AAK1: variants seen among roughly 807,000 people sequenced by gnomAD.
AAK1 encodes AP2 associated kinase 1, also known as AP2-associated protein kinase 1.
In AAK1, 37 loss-of-function variants were observed where a neutral mutation model predicts 116.0. The ratio of observed to expected loss-of-function variants is 0.32; its 90% confidence interval spans 0.25 to 0.42. The LOEUF (loss-of-function observed/expected upper bound fraction) is 0.42, where lower values mean the gene tolerates loss of function less well. Ranked by LOEUF, AAK1 falls within the 10% of genes least tolerant of loss-of-function variation. The pLI is 1.00. For missense variants in AAK1, 919 were observed against 1,170.6 expected, an observed-to-expected ratio of 0.79 and a Z score of 3.14; for synonymous variants, 458 against 439.9, an observed-to-expected ratio of 1.04 and a Z score of -0.51.
intron 4 of AAK1, 88 bp downstream of exon 4, chr2:69,544,348 A>C: frequency 1.1e-6 from 1 of 937,896 alleles, no homozygotes; most frequent in African/African-American, 1.6e-5. Flanking sequence ...CATAGAGTGC[A>C]GTGCACATTA....
At chr2:69,622,132 C>T (rs1458647647) in intron 2 of AAK1, among the ~76,000 whole-genome samples, 5 of 152,224 alleles carry the variant, frequency 3.3e-5, no homozygotes, top group South Asian at 2.1e-4. Context: ...TGTGGGCCAG[C>T]GCCAGTTCCA....
At chr2:69,528,042 G>A (rs964919234) in intron 8 of AAK1, among the ~76,000 whole-genome samples, 5 of 152,234 alleles carry the variant, frequency 3.3e-5, no homozygotes, top group Non-Finnish European at 5.9e-5. Context: ...TGACTGCCTT[G>A]CAGAAGAGGC....
intron 5 of AAK1, 143 bp from the exon 6 acceptor site, chr2:69,532,305 C>A: frequency 8.9e-6 from 9 of 1,008,402 alleles, no homozygotes; most frequent in African/African-American, 1.6e-5. Flanking sequence ...CTCCAAGTAT[C>A]TCAACAGGGG....
chr2:69,535,535 C>A (rs1670427947), intron 5 of AAK1, among the ~76,000 whole-genome samples: 1 of 152,004 alleles, frequency 6.6e-6, no homozygotes, highest in Admixed American at 6.5e-5. Flanking sequence ...AATATTATGA[C>A]AAGAATACAG....
At chr2:69,540,301 A>G (rs1670653352) in intron 5 of AAK1, among the ~76,000 whole-genome samples, 1 of 151,976 alleles carries the variant, frequency 6.6e-6, no homozygotes, top group Admixed American at 6.6e-5. Context: ...TTTTGTATTT[A>G]GTAGAAATGG....
At chr2:69,525,939 C>T (rs1177925565) in intron 9 of AAK1, among the ~76,000 whole-genome samples, 1 of 152,056 alleles carries the variant, frequency 6.6e-6, no homozygotes, top group Non-Finnish European at 1.5e-5. Flanking sequence ...ATCTGGGAAA[C>T]CAACACACAA....
At chr2:69,476,707 T>G (rs1674871070) in intron 21 of AAK1, among the ~76,000 whole-genome samples, 173 bp downstream of exon 21, 1 of 152,208 alleles carries the variant, frequency 6.6e-6, no homozygotes, top group Admixed American at 6.5e-5. Context: ...GGTCAAACTT[T>G]AAAGATACCT....
intron 16 of AAK1, among the ~76,000 whole-genome samples, chr2:69,505,135 C>G (rs2312086): frequency 7.2e-6 from 1 of 139,740 alleles, no homozygotes; most frequent in Admixed American, 7.3e-5. Flanking sequence ...GCACACACAC[C>G]CACACACACA....
rs567202023 is a variant in AAK1 at position 69,572,115 on chromosome 2, T to C, written c.164-15137A>G. ...GCACCAACTGATGAACTGAATTACATCAGGGGAAAACTTACTCCACCTTTG... is the reference window on the plus strand; with the variant it reads ...GCACCAACTGATGAACTGAATTACACCAGGGGAAAACTTACTCCACCTTTG... On this transcript the variant is annotated intron_variant, in intron 2 of 21. Transcript: ENST00000409085. Among the ~76,000 whole-genome samples, 10 of 152,214 alleles carry C rather than the reference T, an allele frequency of 6.6e-5. No individual in the cohort carries two copies. In the South Asian group the frequency reaches 1.9e-3, roughly 28 times the overall value.
In AAK1 at chr2:69,556,890, G is replaced by A. The variant is rs778790062; in HGVS notation, c.252C>T (p.Leu84=). 1.2e-6 allele frequency: 2 copies of A among 1,613,874 alleles called. No individual in the cohort carries two copies. The highest frequency in any genetic ancestry group is 1.7e-6 in the Non-Finnish European group (2 of 1,179,814). Residue 84 remains leucine (L), a synonymous_variant, in exon 3 of 22, where the codon CTC becomes CTT. Coordinates refer to ENST00000409085, the MANE Select transcript of AAK1 (RefSeq NM_014911.5). The part of the protein sequence containing the change: ...KRMFVNNEHD[L]QVCKREIQIM... Reference sequence around the variant, plus strand: ...TCTGGATTTCTCTCTTGCACACCTGGAGATCATGCTCATTGTTGACAAACA... The same window carrying A: ...TCTGGATTTCTCTCTTGCACACCTGAAGATCATGCTCATTGTTGACAAACA...
At chr2:69,507,987 G>A (rs1215587145) in intron 14 of AAK1, among the ~76,000 whole-genome samples, 3 of 152,284 alleles carry the variant, frequency 2.0e-5, no homozygotes, top group South Asian at 2.1e-4. Flanking sequence ...GATTACAGGC[G>A]TGAGCCACTG....
Position 69,493,086 on chromosome 2 carries a change from G to C in AAK1, c.2365+2899C>G, listed in dbSNP as rs537116933. 4.5e-3 allele frequency among the ~76,000 whole-genome samples: 656 copies of C among 145,752 alleles called. 3 individuals are homozygous for C. Among genetic ancestry groups the C allele is most frequent in the Non-Finnish European group, 6.6e-3 (441 of 67,006 alleles). ...AGGCAGGAGAATGGCGTGAACCCGGGAGGCGGAGCTTGCAGTGAGCCGAGA... is the reference window on the plus strand; with the variant it reads ...AGGCAGGAGAATGGCGTGAACCCGGCAGGCGGAGCTTGCAGTGAGCCGAGA... On this transcript the variant is annotated intron_variant, in intron 17 of 21. Transcript: ENST00000409085.
At chr2:69,615,774 C>T (rs1674301123) in intron 2 of AAK1, among the ~76,000 whole-genome samples, 1 of 152,184 alleles carries the variant, frequency 6.6e-6, no homozygotes, top group African/African-American at 2.4e-5. Flanking sequence ...GTCTGCCTTC[C>T]CCACTAGACT....
chr2:69,541,205 G>A (rs2105049193), intron 5 of AAK1, among the ~76,000 whole-genome samples: 1 of 150,434 alleles, frequency 6.6e-6, no homozygotes, highest in East Asian at 2.0e-4. Flanking sequence ...AAGTATACTA[G>A]AAACTGCTGA....
intron 12 of AAK1, among the ~76,000 whole-genome samples, chr2:69,518,716 CA>C (rs924008122): frequency 1.4e-4 from 21 of 151,710 alleles, no homozygotes; most frequent in Admixed American, 3.9e-4. Context: ...TGCACCCGGC[CA>C]AAAAAATAGC....
In AAK1 at chr2:69,475,774, AT is replaced by A. The variant is rs1022343814; in HGVS notation, c.*94del. 1.1e-5 allele frequency: 17 copies of A among 1,498,528 alleles called. No homozygotes were observed. The highest frequency in any genetic ancestry group is 1.4e-5 in the Non-Finnish European group (16 of 1,114,526). 92.8% of individuals were successfully genotyped at this position (1,498,528 alleles called of 1,614,324 possible). On this transcript the variant is annotated 3_prime_UTR_variant, in exon 22 of 22. Coordinates refer to ENST00000409085, the MANE Select transcript of AAK1 (RefSeq NM_014911.5). ...GGGCTGGAGGGCCCCTTATTTGCAG[AT>A]TTTTTTAAAAAAATCATTTTTTTCA...
At chr2:69,477,636 A>T (rs1674905415) in intron 20 of AAK1, among the ~76,000 whole-genome samples, 1 of 152,238 alleles carries the variant, frequency 6.6e-6, no homozygotes, top group Non-Finnish European at 1.5e-5. Flanking sequence ...CTGGCTGAGC[A>T]CTTATTTTGC....
intron 2 of AAK1, among the ~76,000 whole-genome samples, chr2:69,602,809 G>A (rs1456518686): frequency 6.6e-6 from 1 of 152,036 alleles, no homozygotes; most frequent in Non-Finnish European, 1.5e-5. Context: ...AAAAAAAGAT[G>A]GTATTTATTA....
chr2:69,596,551 G>A (rs927413638), intron 2 of AAK1, among the ~76,000 whole-genome samples: 6 of 152,166 alleles, frequency 3.9e-5, no homozygotes, highest in Non-Finnish European at 2.9e-5. Context: ...TATTATTTAA[G>A]AAATACATTT....
Sources: allele counts gnomAD v4.1 joint callset (sites outside exome capture counted in the v4.1 genomes callset), GRCh38; gene constraint gnomAD v4.1.1; transcripts MANE v1.5; gene names NCBI Gene and HGNC (gene_info 2026-07-23, HGNC 2026-07-21).